DCC: variants seen among roughly 807,000 people sequenced by gnomAD.
DCC encodes netrin receptor DCC.
DCC carries 58 observed loss-of-function variants against 172.5 expected under a neutral mutation model. That is an observed-to-expected ratio of 0.34 (90% CI 0.27 to 0.42). The LOEUF (loss-of-function observed/expected upper bound fraction) is 0.42. DCC is among the 10% of genes least tolerant of loss of function. The pLI is 1.00. For missense variants in DCC, 1,740 were observed against 1,791.0 expected, an observed-to-expected ratio of 0.97 and a Z score of 0.51; for synonymous variants, 709 against 644.5, an observed-to-expected ratio of 1.10 and a Z score of -1.52.
At chr18:52,985,534 G>C (rs2041279004) in intron 5 of DCC, among the ~76,000 whole-genome samples, 1 of 152,050 alleles carries the variant, frequency 6.6e-6, no homozygotes, top group Admixed American at 6.6e-5. Flanking sequence ...ATTATCGGTA[G>C]GTATGGGTCT....
At chr18:52,912,170 A>G (rs1202870096) in intron 3 of DCC, among the ~76,000 whole-genome samples, 1 of 152,122 alleles carries the variant, frequency 6.6e-6, no homozygotes, top group African/African-American at 2.4e-5. Flanking sequence ...TAATTGTACA[A>G]TTTAGGGCAT....
At chr18:52,718,862 C>A (rs565398875) in intron 1 of DCC, among the ~76,000 whole-genome samples, 1 of 152,140 alleles carries the variant, frequency 6.6e-6, no homozygotes, top group Non-Finnish European at 1.5e-5. Context: ...AAATAGCAAT[C>A]CTTTTAGGAC....
chr18:52,623,655 C>G (rs2034521429), intron 1 of DCC, among the ~76,000 whole-genome samples: 1 of 152,128 alleles, frequency 6.6e-6, no homozygotes, highest in Non-Finnish European at 1.5e-5. Flanking sequence ...GGTTTATTTT[C>G]CACAATTTTC....
chr18:52,469,203 G>C (rs970136301), intron 1 of DCC, among the ~76,000 whole-genome samples: 1 of 152,014 alleles, frequency 6.6e-6, no homozygotes, highest in Non-Finnish European at 1.5e-5. Context: ...GACTACAGGC[G>C]TCTGCCAGCA....
intron 12 of DCC, among the ~76,000 whole-genome samples, chr18:53,232,806 A>T (rs2056142959): frequency 6.6e-6 from 1 of 152,102 alleles, no homozygotes; most frequent in Admixed American, 6.5e-5. Context: ...AGCGACTTTC[A>T]CTAAAAACCT....
At chr18:52,409,185 T>C (rs1483078820) in intron 1 of DCC, 8 of 152,122 alleles carry the variant, frequency 5.3e-5, no homozygotes, top group Non-Finnish European at 2.9e-5. Context: ...CCATTTACAT[T>C]GCACCTGCCT....
At chr18:52,500,849 C>T (rs2030991435) in intron 1 of DCC, among the ~76,000 whole-genome samples, 1 of 151,902 alleles carries the variant, frequency 6.6e-6, no homozygotes. Flanking sequence ...TCTTAATTTC[C>T]TCAGCTGCAA....
Position 52,734,572 on chromosome 18 carries a change from A to G in DCC, c.92-17482A>G, listed in dbSNP as rs74867969. The stretch of plus-strand genomic sequence containing the variant: ...GTATCCATGAATGCCTTTAATCTGC[A>G]GAGTCTGAGTTTCTCTGGCCCTGCA... On this transcript the variant is annotated intron_variant, in intron 1 of 28. Coordinates refer to ENST00000442544, the MANE Select transcript of DCC (RefSeq NM_005215.4). Among the ~76,000 whole-genome samples, 1,195 of 152,242 alleles carry G rather than the reference A, an allele frequency of 7.8e-3. 18 individuals carry two copies. Among genetic ancestry groups the G allele is most frequent in the African/African-American group, 0.027 (1,123 of 41,550 alleles).
At chr18:52,344,990 G>T (rs977701018) in intron 1 of DCC, among the ~76,000 whole-genome samples, 1 of 152,096 alleles carries the variant, frequency 6.6e-6, no homozygotes, top group Admixed American at 6.5e-5. Context: ...AATTTCCCTA[G>T]AGAATGAGTT....
At chr18:52,930,259 C>T (rs1372401728) in intron 5 of DCC, among the ~76,000 whole-genome samples, 1 of 152,064 alleles carries the variant, frequency 6.6e-6, no homozygotes, top group East Asian at 1.9e-4. Context: ...GCCATCGCAC[C>T]CAACCTTCAG....
At chr18:52,649,200 C>G (rs972191442) in intron 1 of DCC, among the ~76,000 whole-genome samples, 2 of 151,878 alleles carry the variant, frequency 1.3e-5, no homozygotes, top group South Asian at 4.2e-4. Flanking sequence ...GGTAAAACCC[C>G]GTCTCTACTA....
intron 28 of DCC, 103 bp downstream of exon 28, chr18:53,526,862 C>T: frequency 9.3e-7 from 1 of 1,073,874 alleles, no homozygotes; most frequent in South Asian, 1.3e-5. Context: ...CCCAGGCCAC[C>T]CCAGGCCATT....
intron 23 of DCC, among the ~76,000 whole-genome samples, chr18:53,452,380 T>G (rs939674778): frequency 2.6e-5 from 4 of 152,106 alleles, no homozygotes; most frequent in Non-Finnish European, 5.9e-5. Context: ...TTGATTTGGG[T>G]TCCCCCCCGC....
chr18:53,134,187 A>G (rs754187977), intron 7 of DCC, among the ~76,000 whole-genome samples: 1 of 152,220 alleles, frequency 6.6e-6, no homozygotes, highest in Non-Finnish European at 1.5e-5. Flanking sequence ...TTATTAGAAC[A>G]CTAGCATATG....
chr18:53,421,597 C>T (rs1158401240), intron 21 of DCC, among the ~76,000 whole-genome samples: 1 of 152,162 alleles, frequency 6.6e-6, no homozygotes, highest in Non-Finnish European at 1.5e-5. Context: ...TCTAGCTTTT[C>T]ATTTGGAAGT....
intron 14 of DCC, among the ~76,000 whole-genome samples, chr18:53,323,145 CG>C (rs2057431232): frequency 6.6e-6 from 1 of 152,032 alleles, no homozygotes; most frequent in Admixed American, 6.6e-5. Flanking sequence ...TTTTCCCTTC[CG>C]TTTTTAAATC....
At chr18:53,483,355 C>T (rs1245798592) in intron 25 of DCC, among the ~76,000 whole-genome samples, 1 of 151,736 alleles carries the variant, frequency 6.6e-6, no homozygotes, top group Non-Finnish European at 1.5e-5. Context: ...CTATGTATCC[C>T]CTCATATATT....
At chr18:52,572,146 A>G (rs562465970) in intron 1 of DCC, among the ~76,000 whole-genome samples, 218 of 152,340 alleles carry the variant, frequency 1.4e-3, no homozygotes, top group African/African-American at 5.0e-3. Context: ...AGAAAATTCC[A>G]TAGAAATAAT....
intron 1 of DCC, among the ~76,000 whole-genome samples, chr18:52,346,023 T>C (rs1983862974): frequency 6.6e-6 from 1 of 152,184 alleles, no homozygotes; most frequent in South Asian, 2.1e-4. Context: ...AAGTTACTAC[T>C]TTTCAGAGGA....
Sources: gnomAD v4.1 joint callset for allele counts (sites outside exome capture counted in the v4.1 genomes callset) on GRCh38, gnomAD v4.1.1 for gene constraint, MANE v1.5 for transcripts, NCBI Gene and HGNC (gene_info 2026-07-23, HGNC 2026-07-21) for gene names.